Variants in CFAP299 observed in about 807,000 individuals in gnomAD.
CFAP299 encodes cilia- and flagella-associated protein 299.
In CFAP299, 21 loss-of-function variants were observed where a neutral mutation model predicts 27.0. That is an observed-to-expected ratio of 0.78 (90% CI 0.55 to 1.12). The LOEUF (loss-of-function observed/expected upper bound fraction) is 1.12. Ranked by LOEUF, CFAP299 falls within the 50% of genes most tolerant of loss-of-function variation. CFAP299 has a pLI of 0.00. For synonymous variants in CFAP299, 104 were observed against 98.1 expected (o/e 1.06, Z -0.36); for missense variants, 310 against 276.6 (o/e 1.12, Z -0.86).
chr4:80,903,438 C>T (rs944015072), intron 4 of CFAP299, among the ~76,000 whole-genome samples: 8 of 151,786 alleles, frequency 5.3e-5, no homozygotes, highest in African/African-American at 1.7e-4. Flanking sequence ...ATTATTTTTG[C>T]TATAATATTA....
intron 2 of CFAP299, among the ~76,000 whole-genome samples, chr4:80,460,192 A>G (rs1338748572): frequency 6.6e-6 from 1 of 151,762 alleles, no homozygotes; most frequent in Non-Finnish European, 1.5e-5. Flanking sequence ...AAAGTGTCAG[A>G]CTCTCATTCT....
chr4:80,963,715 A>G lies in CFAP299; in HGVS notation c.*103A>G. The stretch of plus-strand genomic sequence containing the variant: ...GAGCCCTGTAGCTGGAAGGCAAATT[A>G]GAACAATAAAGTTAATAAAGAAGTT... On this transcript the variant is annotated 3_prime_UTR_variant, in exon 6 of 6. Coordinates refer to ENST00000358105, the MANE Select transcript of CFAP299 (RefSeq NM_152770.3). 1 of 667,988 alleles carries G rather than the reference A, an allele frequency of 1.5e-6. No individual in the cohort carries two copies. Among genetic ancestry groups the G allele is most frequent in the Non-Finnish European group, 2.5e-6 (1 of 392,290 alleles). The allele number at this position is 667,988 out of a possible 1,614,324, so 41.4% of individuals were successfully genotyped here. A position where few individuals can be genotyped will look rare whatever the true frequency, so the allele number is the denominator to read the frequency against.
chr4:80,677,437 G>A (rs770121898), intron 3 of CFAP299, among the ~76,000 whole-genome samples: 1 of 151,954 alleles, frequency 6.6e-6, no homozygotes, highest in African/African-American at 2.4e-5. Flanking sequence ...TGATTGCTAT[G>A]TATTTTTGTG....
At chr4:80,949,005 C>G (rs1252331391) in intron 5 of CFAP299, among the ~76,000 whole-genome samples, 1 of 152,100 alleles carries the variant, frequency 6.6e-6, no homozygotes, top group African/African-American at 2.4e-5. Flanking sequence ...TTTGTAGGAA[C>G]TATGCAGAAA....
chr4:80,538,574 C>T (rs2110196088), intron 2 of CFAP299, among the ~76,000 whole-genome samples: 2 of 151,346 alleles, frequency 1.3e-5, no homozygotes, highest in East Asian at 3.9e-4. Context: ...ATCTTTTATA[C>T]TGTGTTTTTA....
chr4:80,476,931 TTG>T (rs1166504374), intron 2 of CFAP299, among the ~76,000 whole-genome samples: 2 of 147,776 alleles, frequency 1.4e-5, no homozygotes, highest in Admixed American at 6.7e-5. Context: ...CTCAGGCATT[TTG>T]TGTGTGTGTG....
chr4:80,708,875 A>G (rs1039088073), intron 3 of CFAP299, among the ~76,000 whole-genome samples: 7 of 152,202 alleles, frequency 4.6e-5, no homozygotes, highest in African/African-American at 1.7e-4. Flanking sequence ...ATTGATAACT[A>G]TAAGCATTGT....
At chr4:80,661,827 C>T (rs551150560) in intron 3 of CFAP299, among the ~76,000 whole-genome samples, 1 of 152,268 alleles carries the variant, frequency 6.6e-6, no homozygotes, top group East Asian at 1.9e-4. Context: ...AATTCTTTTT[C>T]TCAGCAAGGA....
At chr4:80,622,475 T>C (rs13140640) in intron 3 of CFAP299, among the ~76,000 whole-genome samples, 1 of 152,202 alleles carries the variant, frequency 6.6e-6, no homozygotes, top group Non-Finnish European at 1.5e-5. Flanking sequence ...TGAAATATTG[T>C]TTTCTTCATT....
chr4:80,832,689 A>G (rs919402020), intron 3 of CFAP299, among the ~76,000 whole-genome samples: 14 of 152,148 alleles, frequency 9.2e-5, no homozygotes, highest in African/African-American at 2.7e-4. Context: ...TTTCGGAGGT[A>G]TAGCGTTTAT....
At chr4:80,375,902 T>C (rs992232818) in intron 2 of CFAP299, among the ~76,000 whole-genome samples, 1 of 152,246 alleles carries the variant, frequency 6.6e-6, no homozygotes, top group Non-Finnish European at 1.5e-5. Flanking sequence ...CAGCTGACTC[T>C]ACTACTCCTA....
At chr4:80,630,431 A>G (rs1739147566) in intron 3 of CFAP299, among the ~76,000 whole-genome samples, 1 of 152,190 alleles carries the variant, frequency 6.6e-6, no homozygotes, top group South Asian at 2.1e-4. Flanking sequence ...GTTCTCTACT[A>G]AACAATTTGG....
At chr4:80,592,088 AT>A (rs1736817289) in intron 3 of CFAP299, among the ~76,000 whole-genome samples, 3 of 152,200 alleles carry the variant, frequency 2.0e-5, no homozygotes, top group Admixed American at 2.0e-4. Flanking sequence ...ATATTAAAAT[AT>A]TAATTAAGAG....
intron 1 of CFAP299, among the ~76,000 whole-genome samples, chr4:80,347,862 GGT>G (rs1321292112): frequency 6.6e-6 from 1 of 152,126 alleles, no homozygotes; most frequent in East Asian, 1.9e-4. Flanking sequence ...GAGGCATTAT[GGT>G]ACCTGACTTC....
intron 2 of CFAP299, among the ~76,000 whole-genome samples, chr4:80,558,212 T>C (rs1370960169): frequency 2.0e-5 from 3 of 152,120 alleles, no homozygotes; most frequent in Non-Finnish European, 4.4e-5. Context: ...TAAAACCTAC[T>C]AAAATTACTA....
chr4:80,327,691 TA>T, the CFAP299 span, among the ~76,000 whole-genome samples: 222 of 4,682 alleles, frequency 0.047, 5 homozygotes, highest in African/African-American at 0.18. Context: ...AGAGAGAAGT[TA>T]TATATATATA....
At chr4:80,860,587 G>C (rs1732265418) in intron 3 of CFAP299, among the ~76,000 whole-genome samples, 1 of 152,094 alleles carries the variant, frequency 6.6e-6, no homozygotes, top group Non-Finnish European at 1.5e-5. Flanking sequence ...TGGGTTTTTG[G>C]TGTGGATGTG....
chr4:80,621,355 C>T (rs1003586161), intron 3 of CFAP299, among the ~76,000 whole-genome samples: 1 of 152,212 alleles, frequency 6.6e-6, no homozygotes, highest in East Asian at 1.9e-4. Flanking sequence ...AAGTAAAACT[C>T]TCTACCAATA....
Position 80,869,950 on chromosome 4 carries a change from GCT to G in CFAP299, c.334-40_334-39del, listed in dbSNP as rs746834783. 1.4e-5 allele frequency: 22 copies of G among 1,549,714 alleles called. No homozygotes were observed. In the East Asian group the frequency reaches 4.8e-4, roughly 34 times the overall value. ...TCCTATGGCATTCCATAATAAATCAGCTCTTTTATATTTTTGTCTTATTCTCT... is the reference window on the plus strand; with the variant it reads ...TCCTATGGCATTCCATAATAAATCAGCTTTTATATTTTTGTCTTATTCTCT... On this transcript the variant is annotated intron_variant, in intron 3 of 5. Transcript: ENST00000358105.
Sources: allele counts gnomAD v4.1 joint callset (sites outside exome capture counted in the v4.1 genomes callset), GRCh38; gene constraint gnomAD v4.1.1; transcripts MANE v1.5; gene names NCBI Gene and HGNC (gene_info 2026-07-23, HGNC 2026-07-21).